The following MEF2C variants were observed in gnomAD, a reference collection of about 807,000 sequenced individuals.
The protein encoded by MEF2C is myocyte enhancer factor 2C.
Under a neutral mutation model 50.5 loss-of-function variants are expected in MEF2C, and 6 were observed. The observed-to-expected ratio is 0.12, with a 90% CI of 0.07 to 0.23. The LOEUF (loss-of-function observed/expected upper bound fraction) is 0.23, where lower values mean the gene tolerates loss of function less well. Ranked by LOEUF, MEF2C falls within the 10% of genes least tolerant of loss-of-function variation. The probability of loss-of-function intolerance (pLI) is 1.00; values close to 1 mark genes in which losing one functional copy is unlikely to be tolerated. For synonymous variants in MEF2C, 183 were observed against 228.0 expected (o/e 0.80, Z 1.78); for missense variants, 276 against 605.0 (o/e 0.46, Z 5.70).
chr5:88,805,055 T>C (rs910262075), intron 2 of MEF2C, among the ~76,000 whole-genome samples: 1 of 152,188 alleles, frequency 6.6e-6, no homozygotes, highest in African/African-American at 2.4e-5. Context: ...TTAATGAAGG[T>C]GACCAGGGAA....
intron 6 of MEF2C, chr5:88,746,639 G>C: frequency 1.0e-6 from 1 of 985,390 alleles, no homozygotes; most frequent in South Asian, 4.7e-5. Context: ...CTCTGAAAAT[G>C]TAGCAACATT....
At chr5:88,751,814 C>T (rs761570216) in intron 5 of MEF2C, 43 bp downstream of exon 5, 1 of 1,583,772 alleles carries the variant, frequency 6.3e-7, no homozygotes, top group Admixed American at 1.7e-5. Flanking sequence ...GAAAATGGTT[C>T]CTTCCAACTA....
At chr5:88,782,475 A>G (rs1358577758) in intron 3 of MEF2C, among the ~76,000 whole-genome samples, 1 of 152,090 alleles carries the variant, frequency 6.6e-6, no homozygotes, top group African/African-American at 2.4e-5. Flanking sequence ...AAAAAAAAAA[A>G]AAATAAAAAC....
intron 3 of MEF2C, among the ~76,000 whole-genome samples, chr5:88,762,074 T>C (rs537487942): frequency 6.6e-6 from 1 of 152,282 alleles, no homozygotes; most frequent in Admixed American, 6.5e-5. Context: ...AGTCAATAAC[T>C]ACCAAACTAG....
intron 6 of MEF2C, among the ~76,000 whole-genome samples, chr5:88,745,088 G>A (rs958588884): frequency 6.6e-6 from 1 of 152,070 alleles, no homozygotes; most frequent in Admixed American, 6.5e-5. Flanking sequence ...TGTTCCTTCT[G>A]GTTTACATCA....
rs1025750524 is a variant in MEF2C, at chr5:88,783,470, A to T, written c.258+21128T>A. The stretch of plus-strand genomic sequence containing the variant: ...ATGGAGAAACCCTGTCTCTACTAAA[A>T]ATACAAAAAAAATTTAGCTGGGCGT... On this transcript the variant is annotated intron_variant, in intron 3 of 10. Coordinates refer to ENST00000504921, the MANE Select transcript of MEF2C (RefSeq NM_002397.5). Among the ~76,000 whole-genome samples the T allele has an allele frequency of 2.6e-5, 4 of 152,012 alleles. No homozygotes were observed. In the East Asian group the frequency reaches 7.7e-4, roughly 29 times the overall value.
chr5:88,824,545 A>T (rs1174526622), intron 1 of MEF2C, among the ~76,000 whole-genome samples: 1 of 151,958 alleles, frequency 6.6e-6, no homozygotes, highest in Non-Finnish European at 1.5e-5. Flanking sequence ...CTTAGATTAC[A>T]AGCATCTATC....
In MEF2C at chr5:88,849,661, A is replaced by G. The variant is rs556983128; in HGVS notation, c.-142-25731T>C. ...TTAAGAAATTATCTATCGTTAATCA[A>G]TATTTCGAAATGCAGAAACTTCCAG... On this transcript the variant is annotated intron_variant, in intron 1 of 10. Coordinates refer to ENST00000504921, the MANE Select transcript of MEF2C (RefSeq NM_002397.5). Among the ~76,000 whole-genome samples the G allele has an allele frequency of 6.6e-4, 101 of 152,330 alleles. 1 individual carries two copies. In the South Asian group the frequency reaches 0.019, roughly 29 times the overall value.
At chr5:88,869,280 T>TATATATATATATATAC (rs1561420326) in intron 1 of MEF2C, among the ~76,000 whole-genome samples, 36 of 73,908 alleles carry the variant, frequency 4.9e-4, no homozygotes, top group Non-Finnish European at 7.0e-4. Context: ...TATATATACA[T>TATATATATATATATAC]ATATATATAT....
chr5:88,763,567 G>A (rs1039353323), intron 3 of MEF2C, among the ~76,000 whole-genome samples: 6 of 151,392 alleles, frequency 4.0e-5, no homozygotes, highest in African/African-American at 1.5e-4. Flanking sequence ...GAATTCATTT[G>A]TATAGAGAAA....
At chr5:88,731,072 A>G (rs1377626229) in intron 7 of MEF2C, among the ~76,000 whole-genome samples, 2 of 152,124 alleles carry the variant, frequency 1.3e-5, no homozygotes, top group Non-Finnish European at 2.9e-5. Context: ...AAAATTTCTT[A>G]TTTATTTATC....
At chr5:88,755,839 C>A (rs1775053909) in intron 4 of MEF2C, among the ~76,000 whole-genome samples, 1 of 152,162 alleles carries the variant, frequency 6.6e-6, no homozygotes, top group Non-Finnish European at 1.5e-5. Flanking sequence ...ATATGCACAT[C>A]CAAAATAAAG....
At chr5:88,813,410 G>A (rs972157037) in intron 2 of MEF2C, among the ~76,000 whole-genome samples, 17 of 152,006 alleles carry the variant, frequency 1.1e-4, no homozygotes, top group Admixed American at 2.6e-4. Context: ...GAAATGGAAA[G>A]GGCATTTCAT....
intron 3 of MEF2C, among the ~76,000 whole-genome samples, chr5:88,788,944 G>A (rs946890856): frequency 6.6e-6 from 1 of 152,162 alleles, no homozygotes; most frequent in African/African-American, 2.4e-5. Flanking sequence ...AACTGAGAGT[G>A]AAGTTGGCTT....
chr5:88,745,052 T>C (rs1173204239), intron 6 of MEF2C, among the ~76,000 whole-genome samples: 4 of 152,246 alleles, frequency 2.6e-5, no homozygotes, highest in African/African-American at 9.6e-5. Flanking sequence ...TCTTTTTTTA[T>C]TGAAAATTAC....
Position 88,838,783 on chromosome 5 carries a change from T to C in MEF2C, c.-142-14853A>G, listed in dbSNP as rs745755399. The C allele has an allele frequency of 1.0e-3, 948 of 951,306 alleles. 2 individuals are homozygous for C. The highest frequency in any genetic ancestry group is 1.1e-3 in the Non-Finnish European group (902 of 799,048). 58.9% of individuals were successfully genotyped at this position (951,306 alleles called of 1,614,324 possible). A position where few individuals can be genotyped will look rare whatever the true frequency, so the allele number is the denominator to read the frequency against. Reference sequence around the variant, plus strand: ...TTCTTCTCCTTATCTCCTCAAATTATGGTCTACTACAAATCCTTCTATTTA... The same window carrying C: ...TTCTTCTCCTTATCTCCTCAAATTACGGTCTACTACAAATCCTTCTATTTA... On this transcript the variant is annotated intron_variant, in intron 1 of 10. Coordinates refer to ENST00000504921, the MANE Select transcript of MEF2C (RefSeq NM_002397.5).
intron 10 of MEF2C, among the ~76,000 whole-genome samples, chr5:88,723,746 T>C (rs1757340238): frequency 6.6e-6 from 1 of 152,362 alleles, no homozygotes; most frequent in East Asian, 1.9e-4. Context: ...ACCACTCCTC[T>C]TATTTATCAT....
intron 1 of MEF2C, chr5:88,844,726 T>A: frequency 3.8e-6 from 1 of 264,820 alleles, no homozygotes; most frequent in Non-Finnish European, 5.8e-6. Context: ...GTTAAAATTT[T>A]AAATAGTGTT....
intron 3 of MEF2C, among the ~76,000 whole-genome samples, chr5:88,769,504 C>T (rs1781466895): frequency 1.3e-5 from 2 of 152,122 alleles, no homozygotes; most frequent in African/African-American, 4.8e-5. Flanking sequence ...AAGTCTGGCA[C>T]ACGTTAGCTG....
Sources: gnomAD v4.1 joint callset for allele counts (sites outside exome capture counted in the v4.1 genomes callset) on GRCh38, gnomAD v4.1.1 for gene constraint, MANE v1.5 for transcripts, NCBI Gene and HGNC (gene_info 2026-07-23, HGNC 2026-07-21) for gene names.